The following MACROD2 variants were observed in gnomAD, a reference collection of about 807,000 sequenced individuals.
The protein encoded by MACROD2 is mono-ADP ribosylhydrolase 2, also known as ADP-ribose glycohydrolase MACROD2.
MACROD2 carries 36 observed loss-of-function variants against 70.4 expected under a neutral mutation model. The ratio of observed to expected loss-of-function variants is 0.51; its 90% CI spans 0.39 to 0.68. The LOEUF (loss-of-function observed/expected upper bound fraction) is 0.68, where lower values mean the gene tolerates loss of function less well. Ranked by LOEUF, MACROD2 falls within the 30% of genes least tolerant of loss-of-function variation. The pLI, the probability that MACROD2 is intolerant of heterozygous loss-of-function variation, is 0.00. For synonymous variants in MACROD2, 172 were observed against 178.8 expected, an observed-to-expected ratio of 0.96 and a Z score of 0.30; for missense variants, 496 against 538.4, an observed-to-expected ratio of 0.92 and a Z score of 0.78.
intron 8 of MACROD2, among the ~76,000 whole-genome samples, chr20:15,576,986 G>C (rs1184099080): frequency 6.6e-6 from 1 of 152,044 alleles, no homozygotes; most frequent in African/African-American, 2.4e-5. Flanking sequence ...TCCATCTGAA[G>C]GGAAACACTT....
chr20:15,893,944 C>G (rs1601074859), intron 10 of MACROD2: 1 of 456,580 alleles, frequency 2.2e-6, no homozygotes, highest in East Asian at 6.9e-5. Flanking sequence ...GTCTGCAGTG[C>G]AGTCTGGAAG....
intron 14 of MACROD2, 82 bp downstream of exon 14, chr20:15,986,883 G>C: frequency 8.9e-7 from 1 of 1,123,090 alleles, no homozygotes; most frequent in Non-Finnish European, 1.3e-6. Flanking sequence ...GTGTGTGTGC[G>C]TGGTGTGTGT....
chr20:15,602,196 A>T (rs2048831738), intron 8 of MACROD2, among the ~76,000 whole-genome samples: 1 of 152,114 alleles, frequency 6.6e-6, no homozygotes, highest in South Asian at 2.1e-4. Flanking sequence ...CTCTATACGG[A>T]TTGACTTAGC....
chr20:14,718,015 G>A (rs1292419650), intron 5 of MACROD2, among the ~76,000 whole-genome samples: 1 of 151,976 alleles, frequency 6.6e-6, no homozygotes, highest in Non-Finnish European at 1.5e-5. Context: ...TGTATACAGA[G>A]ATGGTGCGGT....
intron 3 of MACROD2, among the ~76,000 whole-genome samples, chr20:14,141,085 TAG>T (rs1353391505): frequency 6.6e-6 from 1 of 152,334 alleles, no homozygotes; most frequent in East Asian, 1.9e-4. Flanking sequence ...CAGATATCCT[TAG>T]ACTAATTCTA....
intron 5 of MACROD2, among the ~76,000 whole-genome samples, chr20:14,738,443 G>A (rs1205494379): frequency 6.6e-6 from 1 of 151,842 alleles, no homozygotes; most frequent in Non-Finnish European, 1.5e-5. Flanking sequence ...AACCAAAAAA[G>A]GTAAAATGAA....
At chr20:14,878,161 T>A (rs983342332) in intron 5 of MACROD2, among the ~76,000 whole-genome samples, 2 of 152,196 alleles carry the variant, frequency 1.3e-5, no homozygotes, top group African/African-American at 4.8e-5. Context: ...AGCATCTTGC[T>A]TTCAACTTGA....
At chr20:15,885,924 T>C (rs2064816755) in intron 10 of MACROD2, 113 bp downstream of exon 10, 5 of 1,177,166 alleles carry the variant, frequency 4.2e-6, no homozygotes, top group Non-Finnish European at 4.6e-6. Flanking sequence ...AATAGAAATA[T>C]ATGCTCAGTG....
At chr20:14,320,620 T>C (rs2082650250) in intron 3 of MACROD2, among the ~76,000 whole-genome samples, 1 of 151,244 alleles carries the variant, frequency 6.6e-6, no homozygotes, top group Admixed American at 6.6e-5. Flanking sequence ...TCCAAACACC[T>C]CCTAAATCAG....
At chr20:14,775,858 T>G (rs2072227169) in intron 5 of MACROD2, among the ~76,000 whole-genome samples, 1 of 152,000 alleles carries the variant, frequency 6.6e-6, no homozygotes, top group Admixed American at 6.6e-5. Flanking sequence ...TGAGCCTCTC[T>G]GGGAACTGTG....
At chr20:15,269,203 C>T (rs2077323737) in intron 6 of MACROD2, among the ~76,000 whole-genome samples, 1 of 152,158 alleles carries the variant, frequency 6.6e-6, no homozygotes, top group Admixed American at 6.6e-5. Context: ...ATATTGTAAC[C>T]CTCCAGAGAG....
intron 3 of MACROD2, among the ~76,000 whole-genome samples, chr20:14,293,335 A>G (rs916541458): frequency 1.3e-5 from 2 of 151,860 alleles, no homozygotes; most frequent in African/African-American, 4.9e-5. Flanking sequence ...TTAGATAAAG[A>G]TAAGTGCTTT....
At chr20:15,799,237 A>G (rs2063702218) in intron 8 of MACROD2, among the ~76,000 whole-genome samples, 1 of 152,234 alleles carries the variant, frequency 6.6e-6, no homozygotes, top group Non-Finnish European at 1.5e-5. Flanking sequence ...ATATTGGGAT[A>G]CCTGCACACA....
At chr20:14,822,452 C>T (rs574264745) in intron 5 of MACROD2, among the ~76,000 whole-genome samples, 1 of 152,052 alleles carries the variant, frequency 6.6e-6, no homozygotes, top group Non-Finnish European at 1.5e-5. Context: ...CTACAGTTTT[C>T]GGCAAGCCAT....
intron 4 of MACROD2, among the ~76,000 whole-genome samples, chr20:14,606,425 A>G (rs1006090937): frequency 6.6e-6 from 1 of 152,188 alleles, no homozygotes; most frequent in Admixed American, 6.6e-5. Flanking sequence ...CTTTGTGAGC[A>G]GATGATATAC....
intron 4 of MACROD2, among the ~76,000 whole-genome samples, chr20:14,633,401 T>TTTAG (rs1984620078): frequency 6.6e-6 from 1 of 152,174 alleles, no homozygotes; most frequent in Non-Finnish European, 1.5e-5. Context: ...TCATATTTAA[T>TTTAG]CTTCTTCAAA....
chr20:14,579,577 TTTG>T (rs1980870405), intron 4 of MACROD2, among the ~76,000 whole-genome samples: 1 of 152,258 alleles, frequency 6.6e-6, no homozygotes, highest in Non-Finnish European at 1.5e-5. Context: ...TAATACATTT[TTTG>T]TTGATTATCA....
intron 3 of MACROD2, among the ~76,000 whole-genome samples, chr20:14,136,443 T>C (rs2054799230): frequency 6.6e-6 from 1 of 152,168 alleles, no homozygotes; most frequent in Non-Finnish European, 1.5e-5. Context: ...ATGCAATCTC[T>C]GTTAAATTAT....
chr20:14,018,195 A>G (rs1315659503), intron 2 of MACROD2, among the ~76,000 whole-genome samples: 1 of 151,978 alleles, frequency 6.6e-6, no homozygotes, highest in African/African-American at 2.4e-5. Context: ...CAATACAGCT[A>G]AAGGTTTGTC....
Sources: allele counts gnomAD v4.1 joint callset (sites outside exome capture counted in the v4.1 genomes callset), GRCh38; gene constraint gnomAD v4.1.1; transcripts MANE v1.5; gene names NCBI Gene and HGNC (gene_info 2026-07-23, HGNC 2026-07-21).